CAMTA1: variants seen among roughly 807,000 people sequenced by gnomAD.
The protein encoded by CAMTA1 is calmodulin-binding transcription activator 1.
In CAMTA1, 27 loss-of-function variants were observed where a neutral mutation model predicts 170.9. That is an observed-to-expected ratio of 0.16 (90% CI 0.12 to 0.22). The LOEUF (loss-of-function observed/expected upper bound fraction) is 0.22. Among genes scored for constraint, CAMTA1 ranks in the 10% least tolerant of loss-of-function variants. The pLI is 1.00. For synonymous variants in CAMTA1, 833 were observed against 891.5 expected (o/e 0.93, Z 1.17); for missense variants, 1,619 against 2,217.2 (o/e 0.73, Z 5.42).
intron 3 of CAMTA1, among the ~76,000 whole-genome samples, chr1:6,837,073 C>T (rs564699376): frequency 2.1e-4 from 32 of 152,128 alleles, no homozygotes; most frequent in African/African-American, 6.7e-4. Flanking sequence ...CCTGCCTCAG[C>T]CTCCCAAGCA....
At chr1:7,511,309 G>A (rs1372171054) in intron 6 of CAMTA1, among the ~76,000 whole-genome samples, 2 of 145,612 alleles carry the variant, frequency 1.4e-5, no homozygotes, top group Non-Finnish European at 3.1e-5. Context: ...GTGACCTTGA[G>A]TGTCCACTTT....
At chr1:6,880,389 T>G (rs1571310244) in intron 3 of CAMTA1, among the ~76,000 whole-genome samples, 1 of 143,634 alleles carries the variant, frequency 7.0e-6, no homozygotes, top group African/African-American at 2.7e-5. Context: ...AAGTGTTTTT[T>G]TTTTTTTTTT....
chr1:7,382,368 A>T (rs2087440523), intron 5 of CAMTA1: 1 of 152,206 alleles, frequency 6.6e-6, no homozygotes, highest in Non-Finnish European at 1.5e-5. Context: ...AAATCAGGTA[A>T]ATCTGGTACT....
intron 1 of CAMTA1, among the ~76,000 whole-genome samples, chr1:6,790,056 C>T (rs1050154979): frequency 5.9e-5 from 9 of 151,796 alleles, no homozygotes; most frequent in East Asian, 1.9e-4. Context: ...TAAAGTGATC[C>T]GCCTACCTCA....
rs759149539 is a variant in CAMTA1 at position 7,663,795 on chromosome 1, T to G, written c.1248T>G (p.Ala416=). The part of the protein sequence containing the change: ...NEAVYTMSPT[A]GPNHHLLSPD... ...CCGTGTACACCATGTCCCCCACCGC[T>G]GGCCCCAACCACCACCTCCTCTCAC... is the stretch of plus-strand genomic sequence containing the variant. Residue 416 remains alanine (A), a synonymous_variant, in exon 9 of 23, where the codon GCT becomes GCG. Transcript: ENST00000303635. The G allele has an allele frequency of 1.5e-5, 25 of 1,614,160 alleles. No homozygotes were observed. In the South Asian group the frequency reaches 2.6e-4, roughly 17 times the overall value.
chr1:7,677,647 T>A lies in CAMTA1; in HGVS notation c.2828T>A (p.Ile943Asn). 1 of 1,614,146 alleles carries A rather than the reference T, an allele frequency of 6.2e-7. No individual in the cohort carries two copies. The highest frequency in any genetic ancestry group is 1.1e-5 in the South Asian group (1 of 91,072). ...VTLQVAFNNQ[I>N]ISNSVVFEYK... ...CTACAAGTTGCCTTCAACAACCAGA[T>A]CATCTCCAACTCGGTGGTGTTTGAG... is the stretch of plus-strand genomic sequence containing the variant. Residue 943 changes from isoleucine to asparagine, a missense_variant, in exon 11 of 23, where the codon ATC becomes AAC. Physicochemically the swap from Ile to Asn is moderately radical, Grantham distance 149 (BLOSUM62 -3). Transcript: ENST00000303635.
chr1:7,672,275 G>C (rs564388854), intron 10 of CAMTA1, among the ~76,000 whole-genome samples: 7 of 152,052 alleles, frequency 4.6e-5, no homozygotes, highest in Admixed American at 3.9e-4. Context: ...GGTGTTTCTA[G>C]GTTCCACCCA....
chr1:6,995,297 T>C (rs1572300064), intron 3 of CAMTA1, among the ~76,000 whole-genome samples: 1 of 91,560 alleles, frequency 1.1e-5, no homozygotes, highest in African/African-American at 5.2e-5. Context: ...TTTCTTTTCT[T>C]TTTTTTTTTT....
In CAMTA1 at chr1:7,146,638, T is replaced by A. The variant is rs1381462646; in HGVS notation, c.302+55267T>A. On this transcript the variant is annotated intron_variant, in intron 4 of 22. Coordinates refer to ENST00000303635, the MANE Select transcript of CAMTA1 (RefSeq NM_015215.4). This position sits in a 1 kb window ranked among gnomAD's most constrained non-coding sequence, Gnocchi z 4.3. The stretch of plus-strand genomic sequence containing the variant: ...CCAGGACCTGTCCCCTGGGGCTGGG[T>A]CCTCACTGCTTCCCTGGGACCGGCT... Among the ~76,000 whole-genome samples the A allele has an allele frequency of 6.6e-6, 1 of 151,990 alleles. No individual in the cohort carries two copies. Among genetic ancestry groups the A allele is most frequent in the Non-Finnish European group, 1.5e-5 (1 of 67,998 alleles).
At chr1:6,923,730 C>T (rs1313850916) in intron 3 of CAMTA1, among the ~76,000 whole-genome samples, 1 of 152,140 alleles carries the variant, frequency 6.6e-6, no homozygotes, top group Non-Finnish European at 1.5e-5. Context: ...AGATCCTCTC[C>T]TTCTTTCATG....
chr1:6,802,342 G>T (rs182697232), intron 1 of CAMTA1, among the ~76,000 whole-genome samples: 2 of 152,178 alleles, frequency 1.3e-5, no homozygotes, highest in Non-Finnish European at 2.9e-5. Flanking sequence ...TCAAGACTGG[G>T]TATTGGACTG....
intron 5 of CAMTA1, among the ~76,000 whole-genome samples, chr1:7,317,843 A>C (rs2149664598): frequency 6.6e-6 from 1 of 152,260 alleles, no homozygotes; most frequent in East Asian, 1.9e-4. Context: ...TAAAAAAAAT[A>C]ATAATTGTAA....
chr1:7,538,711 T>G (rs1026743114), intron 6 of CAMTA1, among the ~76,000 whole-genome samples: 2 of 152,182 alleles, frequency 1.3e-5, no homozygotes, highest in Non-Finnish European at 2.9e-5. Flanking sequence ...AAACTGAGTC[T>G]GCCTCATTAC....
intron 3 of CAMTA1, among the ~76,000 whole-genome samples, chr1:7,062,025 C>T (rs1292010817): frequency 6.6e-6 from 1 of 152,136 alleles, no homozygotes; most frequent in Non-Finnish European, 1.5e-5. Context: ...TCAAGTGATT[C>T]TCCTGCCTCA....
At chr1:7,493,653 G>T (rs1367451765) in intron 6 of CAMTA1, among the ~76,000 whole-genome samples, 3 of 115,962 alleles carry the variant, frequency 2.6e-5, no homozygotes, top group Admixed American at 8.5e-5. Context: ...TGGGGGGGGG[G>T]GGGGGTCAGC....
intron 6 of CAMTA1, among the ~76,000 whole-genome samples, chr1:7,495,601 G>T (rs2093813805): frequency 6.6e-6 from 1 of 152,144 alleles, no homozygotes; most frequent in African/African-American, 2.4e-5. Flanking sequence ...CTCATTCCTG[G>T]ACTGGCAAAG....
rs2149355241 is a variant in CAMTA1, at chr1:7,685,942, C to T, written c.2914+8209C>T. ...GAGTCACCCCTTGCTCACTCCCTCC[C>T]CGACATCCCAATACTAGCCTAGCAT... On this transcript the variant is annotated intron_variant, in intron 11 of 22. Transcript: ENST00000303635. This position sits in a 1 kb window ranked among gnomAD's most constrained non-coding sequence, Gnocchi z 5.7. Among the ~76,000 whole-genome samples the T allele has an allele frequency of 6.6e-6, 1 of 152,314 alleles. No homozygotes were observed. Among genetic ancestry groups the T allele is most frequent in the Non-Finnish European group, 1.5e-5 (1 of 68,028 alleles).
At chr1:7,031,086 A>G (rs1330134898) in intron 3 of CAMTA1, among the ~76,000 whole-genome samples, 1 of 143,598 alleles carries the variant, frequency 7.0e-6, no homozygotes, top group African/African-American at 2.6e-5. Context: ...TGACCTCGTG[A>G]TCCACCTGCC....
At chr1:7,510,857 C>T (rs2094193163) in intron 6 of CAMTA1, among the ~76,000 whole-genome samples, 1 of 144,684 alleles carries the variant, frequency 6.9e-6, no homozygotes, top group Admixed American at 6.9e-5. Context: ...TGTTTGAGAG[C>T]ATTGCTTGGG....
Sources: gnomAD v4.1 joint callset for allele counts (sites outside exome capture counted in the v4.1 genomes callset) on GRCh38, gnomAD v4.1.1 for gene constraint, Gnocchi (gnomAD v3.1) non-coding constraint, MANE v1.5 for transcripts, NCBI Gene and HGNC (gene_info 2026-07-23, HGNC 2026-07-21) for gene names.